The following IQCH variants were observed in gnomAD, a reference collection of about 807,000 sequenced individuals.
IQCH encodes IQ domain-containing protein H.
A neutral mutation model predicts 117.0 loss-of-function variants in IQCH; 98 were observed. The observed-to-expected ratio is 0.84, with a 90% confidence interval of 0.71 to 0.99. IQCH has a LOEUF of 0.99. Ranked by LOEUF, IQCH falls within the 50% of genes least tolerant of loss-of-function variation. The pLI, the probability that IQCH is intolerant of heterozygous loss-of-function variation, is 0.00. For synonymous variants in IQCH, 412 were observed against 448.2 expected (o/e 0.92, Z 1.02); for missense variants, 1,102 against 1,243.8 (o/e 0.89, Z 1.72).
chr15:67,438,152 G>C (rs984489425), intron 16 of IQCH, among the ~76,000 whole-genome samples: 2 of 152,128 alleles, frequency 1.3e-5, no homozygotes, highest in Non-Finnish European at 2.9e-5. Context: ...TGAGAGAGAA[G>C]CACCAGGTAA....
Position 67,362,497 on chromosome 15 carries a change from C to T in IQCH, c.753+2612C>T, listed in dbSNP as rs182019072. On this transcript the variant is annotated intron_variant, in intron 8 of 20. Transcript: ENST00000335894. ...ATTTTCCCACCATATACTTCTGATC[C>T]TGTCATTTAGAAAACTGTAATTATT... Among the ~76,000 whole-genome samples the T allele has an allele frequency of 1.1e-4, 16 of 152,254 alleles. No individual in the cohort carries two copies. In the East Asian group the frequency reaches 2.7e-3, roughly 26 times the overall value.
At chr15:67,482,129 A>G (rs1596474388) in intron 18 of IQCH, among the ~76,000 whole-genome samples, 1 of 152,324 alleles carries the variant, frequency 6.6e-6, no homozygotes, top group South Asian at 2.1e-4. Context: ...ATTATGGAAA[A>G]GAAATAAAAT....
Position 67,500,821 on chromosome 15 carries a change from A to T in IQCH, c.*75A>T. 1 of 687,054 alleles carries T rather than the reference A, an allele frequency of 1.5e-6. No individual in the cohort carries two copies. The allele number at this position is 687,054 out of a possible 1,614,324, so 42.6% of individuals were successfully genotyped here. On this transcript the variant is annotated 3_prime_UTR_variant, in exon 21 of 21. Coordinates refer to ENST00000335894, the MANE Select transcript of IQCH (RefSeq NM_001031715.3). The surrounding 1 kb of genome is among the most constrained non-coding windows in gnomAD (Gnocchi z 4.4). Reference sequence around the variant, plus strand: ...GGCAATTTTTTTTTCTGTTAGAAATAAAAGCCAGGGGAAATTGGTTTGCTT... The same window carrying T: ...GGCAATTTTTTTTTCTGTTAGAAATTAAAGCCAGGGGAAATTGGTTTGCTT...
At position 67,405,839 on chromosome 15, in the gene IQCH, C is replaced by G. The variant is rs557549327; in HGVS notation, c.2097+5534C>G. ...AGATTTGTGGGAAACGCAAATATTC[C>G]TGGAACACAGAGGCCACTGCTCTCA... On this transcript the variant is annotated intron_variant, in intron 14 of 20. Coordinates refer to ENST00000335894, the MANE Select transcript of IQCH (RefSeq NM_001031715.3). The surrounding 1 kb of genome is among the most constrained non-coding windows in gnomAD (Gnocchi z 4.8). 10 of 152,342 alleles carry G rather than the reference C, an allele frequency of 6.6e-5. No individual in the cohort carries two copies. The highest frequency in any genetic ancestry group is 2.4e-4 in the African/African-American group (10 of 41,566). The allele number at this position is 152,342 out of a possible 1,614,324, so 9.4% of individuals were successfully genotyped here.
At position 67,411,020 on chromosome 15, in the gene IQCH, AC is replaced by A. The variant is rs2081435781; in HGVS notation, c.2098-5906del. 6.6e-6 allele frequency among the ~76,000 whole-genome samples: 1 copy of A among 151,156 alleles called. No homozygotes were observed. The highest frequency in any genetic ancestry group is 1.5e-5 in the Non-Finnish European group (1 of 67,788). ...GTGGCTGAGATAATAAATGTAAACC[AC>A]CCCCACCCCACCCCTGCACATGCCT... On this transcript the variant is annotated intron_variant, in intron 14 of 20. Transcript: ENST00000335894. This position sits in a 1 kb window ranked among gnomAD's most constrained non-coding sequence, Gnocchi z 4.4.
intron 4 of IQCH, among the ~76,000 whole-genome samples, chr15:67,315,366 A>G (rs1967798213): frequency 6.6e-6 from 1 of 152,198 alleles, no homozygotes; most frequent in Admixed American, 6.5e-5. Context: ...ACATTTGCCA[A>G]AAGGATATGA....
chr15:67,307,383 T>C (rs1007094940), intron 4 of IQCH, among the ~76,000 whole-genome samples: 1 of 151,548 alleles, frequency 6.6e-6, no homozygotes, highest in Non-Finnish European at 1.5e-5. Flanking sequence ...ACTTGGGGTG[T>C]ACATAGTAAT....
chr15:67,356,550 T>C lies in IQCH; in HGVS notation c.638-795T>C, dbSNP rs145536603. 2.6e-3 allele frequency among the ~76,000 whole-genome samples: 401 copies of C among 152,334 alleles called. 2 individuals are homozygous for C. Among genetic ancestry groups the C allele is most frequent in the Middle Eastern group, 0.017 (5 of 294 alleles). ...CAATATCTGTCAATTCCTTCTAAGA[T>C]TGTTGTTATAGAAAACTAACAGAAA... On this transcript the variant is annotated intron_variant, in intron 6 of 20. Coordinates refer to ENST00000335894, the MANE Select transcript of IQCH (RefSeq NM_001031715.3). The surrounding 1 kb of genome is among the most constrained non-coding windows in gnomAD (Gnocchi z 5.3).
chr15:67,269,975 G>T (rs1965835651), intron 3 of IQCH, among the ~76,000 whole-genome samples: 2 of 152,018 alleles, frequency 1.3e-5, no homozygotes, highest in Admixed American at 1.3e-4. Flanking sequence ...CAATATACTG[G>T]TTTCCTTTCT....
rs772295121 is a variant in IQCH at position 67,357,430 on chromosome 15, A to G, written c.714+9A>G. ...AGAAACAAAGATCAAAGGTATTTAT[A>G]TTCCTCACTATAGAAAGAAAATTAT... On this transcript the variant is annotated intron_variant, in intron 7 of 20. Coordinates refer to ENST00000335894, the MANE Select transcript of IQCH (RefSeq NM_001031715.3). 7.3e-6 allele frequency: 11 copies of G among 1,515,782 alleles called. No individual in the cohort carries two copies. In the East Asian group the frequency reaches 1.1e-4, roughly 16 times the overall value. 93.9% of individuals were successfully genotyped at this position (1,515,782 alleles called of 1,614,324 possible).
chr15:67,388,751 C>T lies in IQCH; in HGVS notation c.1457-80C>T. On this transcript the variant is annotated intron_variant, in intron 11 of 20. Transcript: ENST00000335894. The surrounding 1 kb of genome is among the most constrained non-coding windows in gnomAD (Gnocchi z 5.5). ...TGGATATGCTCTTTATTTTAAACTG[C>T]ACAACACCAATCGGATGCCAGAGTT... is the stretch of plus-strand genomic sequence containing the variant. 3 of 1,251,258 alleles carry T rather than the reference C, an allele frequency of 2.4e-6. No homozygotes were observed. Among genetic ancestry groups the T allele is most frequent in the Non-Finnish European group, 2.3e-6 (2 of 871,000 alleles). 77.5% of individuals were successfully genotyped at this position (1,251,258 alleles called of 1,614,324 possible). A position where few individuals can be genotyped will look rare whatever the true frequency, so the allele number is the denominator to read the frequency against.
At chr15:67,269,227 A>G (rs894853837) in intron 3 of IQCH, among the ~76,000 whole-genome samples, 3 of 152,218 alleles carry the variant, frequency 2.0e-5, no homozygotes, top group African/African-American at 7.2e-5. Flanking sequence ...TTTTTCTTTA[A>G]AAATAAGGAA....
chr15:67,471,484 T>C (rs889771654), intron 17 of IQCH, among the ~76,000 whole-genome samples: 3 of 152,048 alleles, frequency 2.0e-5, no homozygotes, highest in African/African-American at 7.2e-5. Flanking sequence ...GATTATTATA[T>C]ACATTTTACA....
At chr15:67,295,506 C>CT (rs974186810) in intron 4 of IQCH, among the ~76,000 whole-genome samples, 18 of 152,252 alleles carry the variant, frequency 1.2e-4, no homozygotes, top group African/African-American at 3.8e-4. Flanking sequence ...TGCTGGAACT[C>CT]TATCTAGCAG....
rs751293588 is a variant in IQCH at position 67,386,925 on chromosome 15, C to A, written c.1456+1906C>A. ...AAATTAACAGGAAAGGTGAAATTGG[C>A]AACATGATTCCTTTTATCATTTGTA... On this transcript the variant is annotated intron_variant, in intron 11 of 20. Transcript: ENST00000335894. This position sits in a 1 kb window ranked among gnomAD's most constrained non-coding sequence, Gnocchi z 5.0. 2.0e-5 allele frequency among the ~76,000 whole-genome samples: 3 copies of A among 152,090 alleles called. No individual in the cohort carries two copies. Among genetic ancestry groups the A allele is most frequent in the Non-Finnish European group, 2.9e-5 (2 of 68,018 alleles).
Position 67,401,881 on chromosome 15 carries a change from AT to A in IQCH, c.2097+1584del, listed in dbSNP as rs956624507. ...CTGGATTTTATTTCGTATTGTATAG[AT>A]TTTTTTTAAAGCAACACTGTTAAGA... On this transcript the variant is annotated intron_variant, in intron 14 of 20. Coordinates refer to ENST00000335894, the MANE Select transcript of IQCH (RefSeq NM_001031715.3). The surrounding 1 kb of genome is among the most constrained non-coding windows in gnomAD (Gnocchi z 4.7). 1.1e-4 allele frequency among the ~76,000 whole-genome samples: 16 copies of A among 152,212 alleles called. No homozygotes were observed. Among genetic ancestry groups the A allele is most frequent in the East Asian group, 3.9e-4 (2 of 5,190 alleles).
At chr15:67,488,945 G>A (rs2141085376) in intron 18 of IQCH, among the ~76,000 whole-genome samples, 1 of 152,222 alleles carries the variant, frequency 6.6e-6, no homozygotes, top group Admixed American at 6.5e-5. Context: ...ACAGCCCAGG[G>A]ATTCAAGACC....
At chr15:67,361,309 C>G (rs1188023192) in intron 8 of IQCH, among the ~76,000 whole-genome samples, 1 of 152,200 alleles carries the variant, frequency 6.6e-6, no homozygotes, top group Non-Finnish European at 1.5e-5. Context: ...TACTCTTTGC[C>G]AGGCTCTGTT....
chr15:67,318,631 A>G (rs1967965630), intron 4 of IQCH, among the ~76,000 whole-genome samples: 1 of 152,218 alleles, frequency 6.6e-6, no homozygotes. Flanking sequence ...TGAACTTTTC[A>G]TACCACTTAT....
Sources: gnomAD v4.1 joint callset for allele counts (sites outside exome capture counted in the v4.1 genomes callset) on GRCh38, gnomAD v4.1.1 for gene constraint, Gnocchi (gnomAD v3.1) non-coding constraint, MANE v1.5 for transcripts, NCBI Gene and HGNC (gene_info 2026-07-23, HGNC 2026-07-21) for gene names.